The following AMPH variants were observed in gnomAD, a reference collection of about 807,000 sequenced individuals.
The protein encoded by AMPH is amphiphysin.
A neutral mutation model predicts 99.1 loss-of-function variants in AMPH; 49 were observed. That is an observed-to-expected ratio of 0.49 (90% confidence interval 0.39 to 0.63). AMPH has a LOEUF of 0.63. Among genes scored for constraint, AMPH ranks in the 20% least tolerant of loss-of-function variants. The pLI is 0.00. For missense variants in AMPH, 759 were observed against 863.4 expected, an observed-to-expected ratio of 0.88 and a Z score of 1.52; for synonymous variants, 314 against 317.3, an observed-to-expected ratio of 0.99 and a Z score of 0.11.
chr7:38,428,528 T>G (rs1487902064), intron 14 of AMPH: 1 of 456,742 alleles, frequency 2.2e-6, no homozygotes, highest in Admixed American at 2.3e-5. Flanking sequence ...CACACTGAAT[T>G]TCTTCAGCAT....
chr7:38,606,557 C>T (rs571865432), intron 1 of AMPH, among the ~76,000 whole-genome samples: 10 of 143,410 alleles, frequency 7.0e-5, no homozygotes, highest in Admixed American at 1.5e-4. Flanking sequence ...CGTCTCAGAA[C>T]GTCATTCTCT....
intron 17 of AMPH, among the ~76,000 whole-genome samples, chr7:38,401,461 T>C (rs1415014298): frequency 2.0e-5 from 3 of 152,238 alleles, no homozygotes; most frequent in East Asian, 1.9e-4. Context: ...AATTGCAATA[T>C]AGCTTCATAA....
intron 3 of AMPH, 145 bp downstream of exon 3, chr7:38,503,505 G>GCA: frequency 8.1e-6 from 4 of 495,128 alleles, no homozygotes; most frequent in Admixed American, 4.7e-5. Flanking sequence ...CGGGGGGGTG[G>GCA]GTGGTGGAAT....
At chr7:38,428,551 G>C in intron 14 of AMPH, 1 of 456,658 alleles carries the variant, frequency 2.2e-6, no homozygotes, top group South Asian at 1.5e-5. Context: ...GTACTGTCTT[G>C]TGCTGGGTAA....
chr7:38,513,956 C>A (rs1789638683), intron 2 of AMPH, among the ~76,000 whole-genome samples: 1 of 152,210 alleles, frequency 6.6e-6, no homozygotes, highest in Non-Finnish European at 1.5e-5. Flanking sequence ...CTCCTTCTCC[C>A]AGCTATAGTC....
chr7:38,516,890 T>C (rs1789767131), intron 2 of AMPH, among the ~76,000 whole-genome samples: 1 of 152,160 alleles, frequency 6.6e-6, no homozygotes, highest in African/African-American at 2.4e-5. Flanking sequence ...TTTTGGACCC[T>C]TCAGATTTAA....
At chr7:38,416,133 T>TATTATATATATATA in intron 17 of AMPH, among the ~76,000 whole-genome samples, 1 of 79,608 alleles carries the variant, frequency 1.3e-5, no homozygotes, top group Non-Finnish European at 2.8e-5. Context: ...ATATTAGCTA[T>TATTATATATATATA]TACATAGTAG....
chr7:38,434,384 T>C (rs934593857), intron 12 of AMPH, among the ~76,000 whole-genome samples: 4 of 152,188 alleles, frequency 2.6e-5, no homozygotes, highest in African/African-American at 9.7e-5. Flanking sequence ...AGAAATGCTA[T>C]GAAATCTCAC....
intron 2 of AMPH, among the ~76,000 whole-genome samples, chr7:38,528,560 A>C (rs548204672): frequency 6.6e-6 from 1 of 152,282 alleles, no homozygotes; most frequent in South Asian, 2.1e-4. Context: ...AGATGGCTAC[A>C]GAGGCTATAG....
At position 38,445,008 on chromosome 7, in the gene AMPH, T is replaced by C. The variant is rs5012469; in HGVS notation, c.1018-8620A>G. Among the ~76,000 whole-genome samples the C allele has an allele frequency of 4.4e-3, 483 of 108,850 alleles. 16 individuals are homozygous for C. Among genetic ancestry groups the C allele is most frequent in the African/African-American group, 0.014 (398 of 28,558 alleles). The allele number at this position is 108,850 out of a possible 152,430, so 71.4% of individuals were successfully genotyped here. A position where few individuals can be genotyped will look rare whatever the true frequency, so the allele number is the denominator to read the frequency against. ...ATATATACATATATATATATATATA[T>C]ATACACACACACACACGGTATATAC... is the stretch of plus-strand genomic sequence containing the variant. On this transcript the variant is annotated intron_variant, in intron 11 of 20. Transcript: ENST00000356264.
At chr7:38,418,118 A>T in intron 16 of AMPH, 168 bp from the exon 17 acceptor site, 1 of 603,310 alleles carries the variant, frequency 1.7e-6, no homozygotes, top group Admixed American at 3.5e-5. Context: ...CTTTTAGAGA[A>T]TGGAAAAGAC....
At chr7:38,626,718 T>C (rs1392237224) in intron 1 of AMPH, among the ~76,000 whole-genome samples, 1 of 152,126 alleles carries the variant, frequency 6.6e-6, no homozygotes, top group African/African-American at 2.4e-5. Context: ...ACTAAAGAGC[T>C]TCTGCACAGC....
chr7:38,438,216 T>C (rs1219305302), intron 11 of AMPH, among the ~76,000 whole-genome samples: 1 of 152,262 alleles, frequency 6.6e-6, no homozygotes, highest in Admixed American at 6.5e-5. Context: ...TGCAATCTAA[T>C]GTTGACAACA....
At chr7:38,512,224 C>T (rs567901878) in intron 2 of AMPH, among the ~76,000 whole-genome samples, 2 of 152,282 alleles carry the variant, frequency 1.3e-5, no homozygotes, top group Admixed American at 1.3e-4. Flanking sequence ...ATGCCAATGG[C>T]AAAATCCATG....
rs914159990 is a variant in AMPH at position 38,436,167 on chromosome 7, A to C, written c.1134+105T>G. 4 of 824,618 alleles carry C rather than the reference A, an allele frequency of 4.9e-6. No individual in the cohort carries two copies. In the African/African-American group the frequency reaches 5.2e-5, roughly 11 times the overall value. The allele number at this position is 824,618 out of a possible 1,614,324, so 51.1% of individuals were successfully genotyped here. On this transcript the variant is annotated intron_variant, in intron 12 of 20. Coordinates refer to ENST00000356264, the MANE Select transcript of AMPH (RefSeq NM_001635.4). ...ATTAGGAAATATCTGTCAACCAAAA[A>C]TAAAAATAGATAGTAGTCATGAAAG...
chr7:38,510,277 T>C (rs775797476), intron 2 of AMPH, among the ~76,000 whole-genome samples: 1 of 152,146 alleles, frequency 6.6e-6, no homozygotes, highest in Non-Finnish European at 1.5e-5. Context: ...CCTCTTCTTA[T>C]GAGGACACCA....
chr7:38,462,362 A>G (rs1348885928), intron 10 of AMPH, among the ~76,000 whole-genome samples: 1 of 152,232 alleles, frequency 6.6e-6, no homozygotes, highest in Non-Finnish European at 1.5e-5. Context: ...TGTACAAGAA[A>G]GCTTGAACTG....
At chr7:38,438,960 T>C (rs1002030616) in intron 11 of AMPH, among the ~76,000 whole-genome samples, 4 of 152,212 alleles carry the variant, frequency 2.6e-5, no homozygotes, top group Admixed American at 6.5e-5. Context: ...ATCATTCAGA[T>C]TGTAATCCCC....
chr7:38,469,009 C>T (rs1472390734), intron 7 of AMPH, among the ~76,000 whole-genome samples: 1 of 117,792 alleles, frequency 8.5e-6, no homozygotes, highest in Non-Finnish European at 1.7e-5. Context: ...AAAAAATTAG[C>T]CGGGCGTAGT....
Sources: gnomAD v4.1 joint callset for allele counts (sites outside exome capture counted in the v4.1 genomes callset) on GRCh38, gnomAD v4.1.1 for gene constraint, MANE v1.5 for transcripts, NCBI Gene and HGNC (gene_info 2026-07-23, HGNC 2026-07-21) for gene names.